The following CYLC2 variants were observed in gnomAD, a reference collection of about 807,000 sequenced individuals.
CYLC2 encodes the protein cylicin-2.
CYLC2 carries 30 observed loss-of-function variants against 26.1 expected under a neutral mutation model. That is an observed-to-expected ratio of 1.15 (90% CI 0.86 to 1.56). The LOEUF is 1.56. Among genes scored for constraint, CYLC2 ranks in the 40% most tolerant of loss-of-function variants. CYLC2 has a pLI of 0.00. For missense variants in CYLC2, 498 were observed against 394.4 expected (o/e 1.26, Z -2.23); for synonymous variants, 158 against 132.8 (o/e 1.19, Z -1.31).
chr9:102,996,000 A>G (rs908462124), intron 1 of CYLC2, among the ~76,000 whole-genome samples: 1 of 151,896 alleles, frequency 6.6e-6, no homozygotes, highest in Non-Finnish European at 1.5e-5. Flanking sequence ...AAAATAAGGT[A>G]GGTAAAGAGC....
intron 6 of CYLC2, among the ~76,000 whole-genome samples, chr9:103,016,106 T>G (rs1829502313): frequency 6.6e-6 from 1 of 151,814 alleles, no homozygotes; most frequent in African/African-American, 2.4e-5. Context: ...TATATCTACA[T>G]ATACACATTT....
chr9:103,013,918 T>TATAATAAATAA (rs1466780429), intron 6 of CYLC2, among the ~76,000 whole-genome samples: 2 of 114,736 alleles, frequency 1.7e-5, no homozygotes, highest in Admixed American at 1.1e-4. Flanking sequence ...ATATTATACA[T>TATAATAAATAA]TATATATCAT....
chr9:103,012,652 A>G (rs1416295212), intron 6 of CYLC2, among the ~76,000 whole-genome samples: 2 of 152,108 alleles, frequency 1.3e-5, no homozygotes, highest in Non-Finnish European at 2.9e-5. Context: ...CAGTGATAAT[A>G]TCTAAATAAT....
At chr9:102,997,128 A>G (rs1238319849) in intron 1 of CYLC2, among the ~76,000 whole-genome samples, 6 of 151,928 alleles carry the variant, frequency 3.9e-5, no homozygotes, top group Admixed American at 3.9e-4. Flanking sequence ...CTTGATGTAG[A>G]CAAGGTTTTA....
chr9:103,007,642 T>G (rs551085196), intron 5 of CYLC2, among the ~76,000 whole-genome samples: 1 of 152,308 alleles, frequency 6.6e-6, no homozygotes, highest in Admixed American at 6.5e-5. Flanking sequence ...GCAATATCCT[T>G]GAACTTCTCA....
chr9:102,995,994 T>C (rs982690019), intron 1 of CYLC2, among the ~76,000 whole-genome samples: 9 of 151,842 alleles, frequency 5.9e-5, no homozygotes, highest in African/African-American at 2.2e-4. Context: ...TGTGTCAAAA[T>C]AAGGTAGGTA....
chr9:103,007,838 C>T (rs1324141662), intron 5 of CYLC2, among the ~76,000 whole-genome samples: 6 of 152,064 alleles, frequency 3.9e-5, no homozygotes, highest in African/African-American at 1.4e-4. Flanking sequence ...AGCTACCTTC[C>T]AAGGAACAGT....
intron 5 of CYLC2, among the ~76,000 whole-genome samples, chr9:103,008,345 T>C (rs1030118517): frequency 2.6e-5 from 4 of 152,102 alleles, no homozygotes; most frequent in African/African-American, 9.7e-5. Context: ...TTCATTTACA[T>C]CTATGTTGTT....
intron 1 of CYLC2, 110 bp downstream of exon 1, chr9:102,995,507 A>C: frequency 1.2e-6 from 1 of 837,846 alleles, no homozygotes; most frequent in Non-Finnish European, 2.0e-6. Context: ...ATTCATAAGC[A>C]AAAGATAATG....
intron 2 of CYLC2, among the ~76,000 whole-genome samples, chr9:103,002,357 CTTTTTTTTTTTTTTTTT>C: frequency 1.3e-5 from 1 of 77,642 alleles, no homozygotes; most frequent in South Asian, 5.4e-4. Flanking sequence ...CATTTGCCCC[CTTTTTTTTTTTTTTTTT>C]TTTTTTTTTG....
chr9:103,001,427 G>A, intron 1 of CYLC2, 151 bp from the exon 2 acceptor site: 8 of 608,482 alleles, frequency 1.3e-5, no homozygotes, highest in Non-Finnish European at 2.4e-5. Flanking sequence ...CTATTATCCT[G>A]GAGATGAAGT....
intron 6 of CYLC2, among the ~76,000 whole-genome samples, chr9:103,015,250 T>A (rs1283053847): frequency 8.0e-6 from 1 of 124,422 alleles, no homozygotes; most frequent in Non-Finnish European, 1.6e-5. Context: ...ATCTGATATA[T>A]AATATATATT....
chr9:103,014,232 T>TCCCCC (rs1256734238), intron 6 of CYLC2, among the ~76,000 whole-genome samples: 1 of 125,420 alleles, frequency 8.0e-6, no homozygotes, highest in South Asian at 2.3e-4. Flanking sequence ...ATATATAATA[T>TCCCCC]ATATGTATGT....
At chr9:103,002,953 A>C (rs1829303038) in intron 2 of CYLC2, among the ~76,000 whole-genome samples, 189 bp from the exon 3 acceptor site, 1 of 152,210 alleles carries the variant, frequency 6.6e-6, no homozygotes, top group Non-Finnish European at 1.5e-5. Flanking sequence ...AAAACTGCTC[A>C]AAATAGAAAA....
intron 5 of CYLC2, among the ~76,000 whole-genome samples, chr9:103,009,765 T>C (rs1382925509): frequency 6.6e-6 from 1 of 152,030 alleles, no homozygotes; most frequent in African/African-American, 2.4e-5. Flanking sequence ...TCTACCTCTA[T>C]AGTTTGTTTT....
intron 6 of CYLC2, among the ~76,000 whole-genome samples, chr9:103,015,583 CT>C: frequency 6.9e-6 from 1 of 144,024 alleles, no homozygotes; most frequent in East Asian, 2.0e-4. Context: ...AATAAATCTC[CT>C]TCAGCTAATT....
intron 3 of CYLC2, among the ~76,000 whole-genome samples, chr9:103,004,328 T>G (rs930600279): frequency 6.6e-6 from 1 of 152,066 alleles, no homozygotes; most frequent in African/African-American, 2.4e-5. Flanking sequence ...AGAGAATAGT[T>G]TCTGATTTAC....
intron 6 of CYLC2, among the ~76,000 whole-genome samples, chr9:103,012,625 G>C (rs558451104): frequency 9.2e-5 from 14 of 151,884 alleles, no homozygotes; most frequent in Non-Finnish European, 1.8e-4. Context: ...TAGAATAAAA[G>C]TATTGTGGAA....
intron 6 of CYLC2, among the ~76,000 whole-genome samples, chr9:103,013,426 A>G (rs1483071819): frequency 6.7e-5 from 5 of 74,330 alleles, no homozygotes; most frequent in Non-Finnish European, 1.1e-4. Flanking sequence ...ATTGTGTATC[A>G]TATATACATA....
Sources: allele counts gnomAD v4.1 joint callset (sites outside exome capture counted in the v4.1 genomes callset), GRCh38; gene constraint gnomAD v4.1.1; transcripts MANE v1.5; gene names NCBI Gene and HGNC (gene_info 2026-07-23, HGNC 2026-07-21).